The following ZNF385D variants were observed in gnomAD, a reference collection of about 807,000 sequenced individuals.
ZNF385D encodes the protein zinc finger protein 385D.
Under a neutral mutation model 35.8 loss-of-function variants are expected in ZNF385D, and 15 were observed. That is an observed-to-expected ratio of 0.42 (90% CI 0.28 to 0.64). The LOEUF is 0.64. Ranked by LOEUF, ZNF385D falls within the 30% of genes least tolerant of loss-of-function variation. The probability of loss-of-function intolerance (pLI) is 0.23; values close to 1 mark genes in which losing one functional copy is unlikely to be tolerated. For missense variants in ZNF385D, 474 were observed against 494.6 expected (o/e 0.96, Z 0.39); for synonymous variants, 212 against 186.8 (o/e 1.13, Z -1.10).
In ZNF385D at chr3:21,790,837, A is replaced by G. The variant is rs2071897650; in HGVS notation, c.326-125809T>C. Among the ~76,000 whole-genome samples the G allele has an allele frequency of 2.0e-5, 3 of 152,214 alleles. No homozygotes were observed. The South Asian group carries it at 6.2e-4, about 32-fold the overall frequency. On this transcript the variant is annotated intron_variant, in intron 3 of 5. Coordinates refer to the ZNF385D transcript ENST00000494108. Reference sequence around the variant, plus strand: ...TATTGAAGTTAATTTGTTTCTTCGTAAAGATTGTAAATTTATAGAATGTGA... The same window carrying G: ...TATTGAAGTTAATTTGTTTCTTCGTGAAGATTGTAAATTTATAGAATGTGA...
intron 4 of ZNF385D, among the ~76,000 whole-genome samples, chr3:21,498,683 T>C (rs1372374090): frequency 6.6e-6 from 1 of 151,988 alleles, no homozygotes; most frequent in African/African-American, 2.4e-5. Context: ...GAATGGCTAT[T>C]AATAACAAGT....
intron 2 of ZNF385D, among the ~76,000 whole-genome samples, chr3:22,339,481 A>G (rs1362403641): frequency 6.6e-6 from 1 of 152,208 alleles, no homozygotes; most frequent in East Asian, 1.9e-4. Flanking sequence ...CTTACAGATG[A>G]AAGACTTCCA....
chr3:22,028,379 G>A lies in ZNF385D; in HGVS notation c.325+140438C>T, dbSNP rs183362891. 9.7e-4 allele frequency among the ~76,000 whole-genome samples: 147 copies of A among 152,286 alleles called. 2 individuals are homozygous for A. The highest frequency in any genetic ancestry group is 3.1e-3 in the African/African-American group (127 of 41,564). The stretch of plus-strand genomic sequence containing the variant: ...CCATGGTGGCAGGGATGGAGGTTAC[G>A]CATGGGCTCAGCAACATGTACTTCC... On this transcript the variant is annotated intron_variant, in intron 3 of 5. Coordinates refer to the ZNF385D transcript ENST00000494108.
At chr3:22,037,160 C>T (rs373828909) in intron 3 of ZNF385D, among the ~76,000 whole-genome samples, 71 of 151,650 alleles carry the variant, frequency 4.7e-4, no homozygotes, top group East Asian at 4.1e-3. Flanking sequence ...TGAATAGTGC[C>T]GCAATAAACA....
At chr3:21,808,856 G>T (rs2072773434) in intron 3 of ZNF385D, among the ~76,000 whole-genome samples, 1 of 152,196 alleles carries the variant, frequency 6.6e-6, no homozygotes, top group African/African-American at 2.4e-5. Flanking sequence ...TTAAGTCTCA[G>T]ATTGACCTCT....
At chr3:21,506,900 A>C (rs996050170) in intron 4 of ZNF385D, among the ~76,000 whole-genome samples, 1 of 152,100 alleles carries the variant, frequency 6.6e-6, no homozygotes, top group Non-Finnish European at 1.5e-5. Flanking sequence ...CTTTCTATGA[A>C]TAGTCAGTGG....
At chr3:22,219,309 C>G (rs1170238398) in intron 2 of ZNF385D, among the ~76,000 whole-genome samples, 3 of 152,064 alleles carry the variant, frequency 2.0e-5, no homozygotes, top group African/African-American at 7.2e-5. Flanking sequence ...GCCTCTCTCC[C>G]CAACCCTGTT....
At chr3:21,743,151 G>A (rs973070570) in intron 1 of ZNF385D, among the ~76,000 whole-genome samples, 1 of 152,202 alleles carries the variant, frequency 6.6e-6, no homozygotes, top group African/African-American at 2.4e-5. Context: ...TGTAAAGTAG[G>A]CCATTTTTCC....
chr3:22,237,094 T>C (rs1699227871), intron 2 of ZNF385D, among the ~76,000 whole-genome samples: 3 of 152,200 alleles, frequency 2.0e-5, no homozygotes, highest in Admixed American at 2.0e-4. Flanking sequence ...TTTGAAGAAC[T>C]GCCAAACTGA....
intron 4 of ZNF385D, among the ~76,000 whole-genome samples, chr3:21,444,078 C>CCCTT (rs1575155480): frequency 7.9e-6 from 1 of 126,790 alleles, no homozygotes; most frequent in African/African-American, 3.6e-5. Flanking sequence ...CTGGATTTCC[C>CCCTT]TCTTTTTTTT....
At chr3:22,332,563 G>T (rs141994558) in intron 2 of ZNF385D, among the ~76,000 whole-genome samples, 389 of 152,132 alleles carry the variant, frequency 2.6e-3, no homozygotes, top group African/African-American at 9.1e-3. Context: ...TAAAACAAGA[G>T]TTGAGAAGAA....
intron 3 of ZNF385D, among the ~76,000 whole-genome samples, chr3:22,002,500 T>C (rs1695903070): frequency 6.6e-6 from 1 of 152,084 alleles, no homozygotes. Context: ...TACCAAACTG[T>C]TAAATAAGAA....
At chr3:21,753,131 A>G (rs2070181050), upstream of ZNF385D, among the ~76,000 whole-genome samples, 2 of 152,206 alleles carry the variant, frequency 1.3e-5, no homozygotes, top group Admixed American at 1.3e-4. Context: ...GCACTTTCAC[A>G]TGTCATCTTT....
chr3:21,807,851 A>G (rs1025404289), intron 3 of ZNF385D, among the ~76,000 whole-genome samples: 7 of 152,212 alleles, frequency 4.6e-5, no homozygotes, highest in African/African-American at 1.7e-4. Flanking sequence ...ATGGAGTGTC[A>G]TAGTTACCTA....
chr3:21,524,904 T>C (rs1409675390), intron 3 of ZNF385D, among the ~76,000 whole-genome samples: 5 of 152,212 alleles, frequency 3.3e-5, no homozygotes, highest in African/African-American at 1.2e-4. Context: ...ATTAGTTGAA[T>C]AGGTTTCACC....
At chr3:21,662,132 G>A (rs889041952) in intron 2 of ZNF385D, among the ~76,000 whole-genome samples, 3 of 152,066 alleles carry the variant, frequency 2.0e-5, no homozygotes, top group Admixed American at 6.6e-5. Flanking sequence ...GGGTGGCAGA[G>A]TTCATCACTT....
intron 3 of ZNF385D, among the ~76,000 whole-genome samples, chr3:22,079,222 G>A (rs1223836822): frequency 6.6e-6 from 1 of 151,960 alleles, no homozygotes; most frequent in Non-Finnish European, 1.5e-5. Flanking sequence ...TCATTAAAAT[G>A]CAATTAGCTG....
chr3:22,011,411 C>T (rs544994585), intron 3 of ZNF385D, among the ~76,000 whole-genome samples: 1 of 152,134 alleles, frequency 6.6e-6, no homozygotes, highest in Non-Finnish European at 1.5e-5. Context: ...GAACCCAATA[C>T]TGGGTTATTA....
chr3:22,277,602 TAAAG>T (rs1278318722), intron 2 of ZNF385D, among the ~76,000 whole-genome samples: 1 of 152,064 alleles, frequency 6.6e-6, no homozygotes, highest in Non-Finnish European at 1.5e-5. Context: ...AATGCAGTAG[TAAAG>T]AAAGCAGGAT....
Sources: allele counts gnomAD v4.1 joint callset (sites outside exome capture counted in the v4.1 genomes callset), GRCh38; gene constraint gnomAD v4.1.1; transcripts MANE v1.5; gene names NCBI Gene and HGNC (gene_info 2026-07-23, HGNC 2026-07-21).